COL25A1: variants seen among roughly 807,000 people sequenced by gnomAD.
COL25A1 encodes the protein collagen alpha-1(XXV) chain.
COL25A1 carries 103 observed loss-of-function variants against 128.4 expected under a neutral mutation model. The observed-to-expected ratio is 0.80, with a 90% CI of 0.68 to 0.94. The LOEUF (loss-of-function observed/expected upper bound fraction) is 0.94. COL25A1 is among the 40% of genes least tolerant of loss of function. The probability of loss-of-function intolerance (pLI) is 0.00; values close to 1 mark genes in which losing one functional copy is unlikely to be tolerated. For synonymous variants in COL25A1, 279 were observed against 277.2 expected (o/e 1.01, Z -0.06); for missense variants, 745 against 840.0 (o/e 0.89, Z 1.40).
chr4:108,899,118 G>A, intron 15 of COL25A1, 36 bp downstream of exon 15: 1 of 1,599,968 alleles, frequency 6.3e-7, no homozygotes, highest in Non-Finnish European at 8.5e-7. Context: ...GTGGTGGGGA[G>A]TAGGGAGAGA....
chr4:109,070,601 T>C (rs936884710), intron 3 of COL25A1, among the ~76,000 whole-genome samples: 1 of 152,022 alleles, frequency 6.6e-6, no homozygotes. Flanking sequence ...GTTTGTTACA[T>C]ATGTATACAT....
At chr4:109,041,810 C>G (rs1759923094) in intron 5 of COL25A1, among the ~76,000 whole-genome samples, 2 of 152,084 alleles carry the variant, frequency 1.3e-5, no homozygotes, top group African/African-American at 4.8e-5. Flanking sequence ...CCCAAGATAG[C>G]CTTGGAACAC....
At chr4:109,017,561 T>C (rs937179339) in intron 5 of COL25A1, among the ~76,000 whole-genome samples, 1 of 152,254 alleles carries the variant, frequency 6.6e-6, no homozygotes, top group African/African-American at 2.4e-5. Flanking sequence ...TTAGTTTCAC[T>C]ACATGATACT....
At chr4:108,992,972 T>C (rs1381853654) in intron 6 of COL25A1, among the ~76,000 whole-genome samples, 2 of 152,228 alleles carry the variant, frequency 1.3e-5, no homozygotes, top group South Asian at 4.1e-4. Context: ...TATATATACA[T>C]TGTAGAATGA....
chr4:109,164,146 C>T (rs1385969776), intron 3 of COL25A1, among the ~76,000 whole-genome samples: 1 of 151,808 alleles, frequency 6.6e-6, no homozygotes, highest in African/African-American at 2.4e-5. Flanking sequence ...CAGAAGTGGG[C>T]CTGGCTTGTG....
intron 6 of COL25A1, among the ~76,000 whole-genome samples, chr4:109,001,372 C>CAGGCATCTGACATCCTGTCAGGT (rs1755349165): frequency 8.3e-5 from 2 of 24,230 alleles, no homozygotes; most frequent in South Asian, 2.3e-3. Flanking sequence ...TTAAAAGAAA[C>CAGGCATCTGACATCCTGTCAGGT]AGGCATCTGA....
At chr4:108,864,116 A>G (rs767766509) in intron 20 of COL25A1, among the ~76,000 whole-genome samples, 5 of 152,266 alleles carry the variant, frequency 3.3e-5, no homozygotes, top group African/African-American at 7.2e-5. Flanking sequence ...AACTTGACTA[A>G]TATGCAATTA....
chr4:109,051,636 C>CACACAA (rs1182754102), intron 3 of COL25A1, among the ~76,000 whole-genome samples: 1 of 151,718 alleles, frequency 6.6e-6, no homozygotes, highest in African/African-American at 2.4e-5. Context: ...CACACACACA[C>CACACAA]ACACACACAC....
chr4:109,198,514 G>A (rs1776305447), intron 3 of COL25A1, among the ~76,000 whole-genome samples: 1 of 152,050 alleles, frequency 6.6e-6, no homozygotes, highest in Non-Finnish European at 1.5e-5. Context: ...TGATAACCAG[G>A]TAAAACTCAT....
rs55920067 is a variant in COL25A1 at position 108,930,548 on chromosome 4, G to A, written c.708+7260C>T. Among the ~76,000 whole-genome samples, 1,482 of 152,330 alleles carry A rather than the reference G, an allele frequency of 9.7e-3. 28 individuals carry two copies. The highest frequency in any genetic ancestry group is 0.034 in the African/African-American group (1,397 of 41,554). ...GGTGGGTATTTTGAGGGGGATAGAT[G>A]AAATTTGGTCCTGTGAGCATTCAAG... On this transcript the variant is annotated intron_variant, in intron 11 of 37. Transcript: ENST00000399132.
intron 6 of COL25A1, among the ~76,000 whole-genome samples, chr4:108,976,074 AT>A (rs1752404838): frequency 6.6e-6 from 1 of 152,084 alleles, no homozygotes; most frequent in Admixed American, 6.6e-5. Flanking sequence ...TCAATTTAAC[AT>A]TTTTTATTCT....
At chr4:109,091,729 G>A (rs192635601) in intron 3 of COL25A1, among the ~76,000 whole-genome samples, 235 of 148,334 alleles carry the variant, frequency 1.6e-3, no homozygotes, top group Non-Finnish European at 3.3e-4. Flanking sequence ...AAATCTTTAG[G>A]TGGAAAAAAA....
At chr4:108,891,622 T>C (rs1741514080) in intron 16 of COL25A1, among the ~76,000 whole-genome samples, 1 of 152,128 alleles carries the variant, frequency 6.6e-6, no homozygotes, top group African/African-American at 2.4e-5. Flanking sequence ...GGGGCAGATA[T>C]TACTATTTCC....
chr4:109,126,015 T>C (rs533768224), intron 3 of COL25A1, among the ~76,000 whole-genome samples: 2 of 152,170 alleles, frequency 1.3e-5, no homozygotes, highest in South Asian at 4.1e-4. Context: ...CAAAGCTTTT[T>C]ACTCCTTCAC....
intron 8 of COL25A1, among the ~76,000 whole-genome samples, chr4:108,951,390 CTTTTTTTTTT>C (rs753653517): frequency 7.2e-6 from 1 of 139,252 alleles, no homozygotes. Flanking sequence ...CTTTTTTTTT[CTTTTTTTTTT>C]TTTTAGACAG....
At chr4:109,289,259 CG>C (rs1367182941) in intron 3 of COL25A1, among the ~76,000 whole-genome samples, 1 of 151,870 alleles carries the variant, frequency 6.6e-6, no homozygotes, top group East Asian at 1.9e-4. Flanking sequence ...TGAAAAAGTC[CG>C]TTTTGCCTCC....
intron 3 of COL25A1, among the ~76,000 whole-genome samples, chr4:109,179,676 A>C (rs74343360): frequency 6.6e-6 from 1 of 152,216 alleles, no homozygotes; most frequent in Non-Finnish European, 1.5e-5. Context: ...CCACAAAACC[A>C]AACTTGAACT....
At chr4:108,909,802 A>G (rs1306701491) in intron 13 of COL25A1, among the ~76,000 whole-genome samples, 1 of 152,156 alleles carries the variant, frequency 6.6e-6, no homozygotes, top group Non-Finnish European at 1.5e-5. Flanking sequence ...ATACTCCCCC[A>G]TTCCACTCCC....
intron 3 of COL25A1, among the ~76,000 whole-genome samples, chr4:109,149,844 T>C (rs1015737113): frequency 1.3e-5 from 2 of 152,210 alleles, no homozygotes; most frequent in African/African-American, 4.8e-5. Context: ...TGAATGATAA[T>C]GTAGACATAT....
Sources: gnomAD v4.1 joint callset for allele counts (sites outside exome capture counted in the v4.1 genomes callset) on GRCh38, gnomAD v4.1.1 for gene constraint, MANE v1.5 for transcripts, NCBI Gene and HGNC (gene_info 2026-07-23, HGNC 2026-07-21) for gene names.